The following ANKRD30B variants were observed in gnomAD, a reference collection of about 807,000 sequenced individuals.
ANKRD30B encodes ankyrin repeat domain 30B.
In ANKRD30B, 144 loss-of-function variants were observed where a neutral mutation model predicts 202.2. The ratio of observed to expected loss-of-function variants is 0.71; its 90% CI spans 0.62 to 0.82. ANKRD30B has a LOEUF of 0.82. ANKRD30B is among the 40% of genes least tolerant of loss of function. ANKRD30B has a pLI of 0.00. For synonymous variants in ANKRD30B, 508 were observed against 561.3 expected, an observed-to-expected ratio of 0.91 and a Z score of 1.34; for missense variants, 1,487 against 1,669.1, an observed-to-expected ratio of 0.89 and a Z score of 1.90.
chr18:14,757,159 A>T (rs1464140348), intron 4 of ANKRD30B, among the ~76,000 whole-genome samples: 1 of 152,220 alleles, frequency 6.6e-6, no homozygotes, highest in Non-Finnish European at 1.5e-5. Context: ...TAATTAAGAT[A>T]AGCCATAGGT....
intron 34 of ANKRD30B, among the ~76,000 whole-genome samples, chr18:14,832,101 T>C (rs910904041): frequency 6.6e-6 from 1 of 152,192 alleles, no homozygotes; most frequent in Non-Finnish European, 1.5e-5. Flanking sequence ...TGATGGTGCA[T>C]GCCTGTAGTT....
At chr18:14,757,730 A>AT in intron 4 of ANKRD30B, 85 bp from the exon 5 acceptor site, 1 of 1,380,850 alleles carries the variant, frequency 7.2e-7, no homozygotes, top group South Asian at 1.4e-5. Flanking sequence ...TATGTTTGTT[A>AT]GTACATGTAA....
Position 14,799,121 on chromosome 18 carries a change from C to T in ANKRD30B, c.2050C>T (p.Leu684Phe), listed in dbSNP as rs762814155. The change falls in exon 21 of 44, where the codon CTT (leucine) becomes TTT (phenylalanine). Residue 684 changes from leucine to phenylalanine, a missense_variant. By Grantham distance (22) the Leu-to-Phe change is conservative (BLOSUM62 0). Transcript: ENST00000690538. ...TTTAGAGTCTCCTGATAATGATGGTCTTCTGAAGGTAATAACTTTTATATT... is the reference window on the plus strand; with the variant it reads ...TTTAGAGTCTCCTGATAATGATGGTTTTCTGAAGGTAATAACTTTTATATT... ...LKAESPDNDG[L>F]LKPTCGRKVS... The T allele has an allele frequency of 8.2e-6, 13 of 1,578,146 alleles. No homozygotes were observed. Among genetic ancestry groups the T allele is most frequent in the African/African-American group, 4.1e-5 (3 of 73,940 alleles).
chr18:14,837,647 G>A lies in ANKRD30B; in HGVS notation c.2959G>A (p.Glu987Lys). 1 of 1,541,132 alleles carries A rather than the reference G, an allele frequency of 6.5e-7. No individual in the cohort carries two copies. The highest frequency in any genetic ancestry group is 8.7e-7 in the Non-Finnish European group (1 of 1,144,556). Residue 987 changes from glutamate to lysine, a missense_variant, in exon 36 of 44, where the codon GAA becomes AAA. Coordinates refer to ENST00000690538, the MANE Select transcript of ANKRD30B (RefSeq NM_001367607.2). The part of the protein sequence containing the change: ...KMPTSELGRK[E>K]DTKSTSDSEI... ...GCCCACATCAGAATTAGGAAGAAAAGAAGATACAAAATCAACTTCAGATTC... is the reference window on the plus strand; with the variant it reads ...GCCCACATCAGAATTAGGAAGAAAAAAAGATACAAAATCAACTTCAGATTC...
At chr18:14,929,367 T>A in the ANKRD30B span, among the ~76,000 whole-genome samples, 1 of 152,162 alleles carries the variant, frequency 6.6e-6, no homozygotes, top group African/African-American at 2.4e-5. Context: ...TCCATCCTCC[T>A]GTAGAACCAT....
chr18:14,808,201 G>T (rs928670486), intron 24 of ANKRD30B, among the ~76,000 whole-genome samples: 2 of 149,436 alleles, frequency 1.3e-5, no homozygotes, highest in African/African-American at 5.0e-5. Context: ...TTTTTTTGGC[G>T]GGGGGTCATG....
In ANKRD30B at chr18:14,752,636, C is replaced by T. The variant is rs1284334524; in HGVS notation, c.292C>T (p.Gln98Ter). The T allele has an allele frequency of 1.2e-6, 2 of 1,610,742 alleles. No homozygotes were observed. Among genetic ancestry groups the T allele is most frequent in the South Asian group, 2.2e-5 (2 of 90,620 alleles). ...AACATTTCTGGTAGACAGAAAGTGC[C>T]AGCTTAATGTCCTTGATGGCGAAGG... The part of the protein sequence containing the change: ...VVTFLVDRKC[Q>*]LNVLDGEGRT... Residue 98 changes from glutamine to a stop codon, truncating the protein, a stop_gained, in exon 2 of 44, where the codon CAG becomes TAG. Coordinates refer to ENST00000690538, the MANE Select transcript of ANKRD30B (RefSeq NM_001367607.2). LOFTEE classifies it high-confidence loss of function.
At chr18:14,771,475 G>C (rs1967003121) in intron 8 of ANKRD30B, among the ~76,000 whole-genome samples, 1 of 152,116 alleles carries the variant, frequency 6.6e-6, no homozygotes, top group Admixed American at 6.5e-5. Context: ...TAAGTAGTTA[G>C]ACTTTCTTAC....
In ANKRD30B at chr18:14,797,867, A is replaced by C; in HGVS notation, c.2029+13A>C. The C allele has an allele frequency of 6.5e-7, 1 of 1,536,760 alleles. No individual in the cohort carries two copies. Among genetic ancestry groups the C allele is most frequent in the Non-Finnish European group, 8.8e-7 (1 of 1,140,340 alleles). On this transcript the variant is annotated intron_variant, in intron 20 of 43. Transcript: ENST00000690538. ...ACACTCAAAGCAGGTACATTTTGTAATTTAAATTTTAATCTGGAATTAAGA... is the reference window on the plus strand; with the variant it reads ...ACACTCAAAGCAGGTACATTTTGTACTTTAAATTTTAATCTGGAATTAAGA...
intron 16 of ANKRD30B, among the ~76,000 whole-genome samples, chr18:14,793,372 G>A (rs1341618988): frequency 6.6e-6 from 1 of 152,070 alleles, no homozygotes; most frequent in Non-Finnish European, 1.5e-5. Flanking sequence ...ATAATGTGTT[G>A]CATTAAAGAC....
At chr18:14,918,239 A>G in the ANKRD30B span, among the ~76,000 whole-genome samples, 10,178 of 152,196 alleles carry the variant, frequency 0.067, 464 homozygotes, top group Non-Finnish European at 0.1. Context: ...CCTTAGATAT[A>G]TGATAATTCT....
chr18:14,919,647 G>T, the ANKRD30B span, among the ~76,000 whole-genome samples: 3 of 152,208 alleles, frequency 2.0e-5, no homozygotes, highest in African/African-American at 7.2e-5. Flanking sequence ...CATGTCCGTT[G>T]TAAAATCAAG....
chr18:14,762,698 A>C (rs1358796063), intron 6 of ANKRD30B, among the ~76,000 whole-genome samples: 2 of 152,236 alleles, frequency 1.3e-5, no homozygotes, highest in Non-Finnish European at 2.9e-5. Flanking sequence ...AAACACAAAA[A>C]ATTATAAAAA....
Position 14,752,857 on chromosome 18 carries a change from G to T in ANKRD30B, c.355G>T (p.Glu119Ter). ...CTGACAGGCTCTACAATGCGAGAGG[G>T]AGGCTTGTGCAAATATTCTCATAGA... ...PLMKALQCER[E>*]ACANILIDAG... is the part of the protein sequence containing the mutation. Residue 119 changes from glutamate (E) to a stop codon, truncating the protein, a stop_gained, in exon 3 of 44, where the codon GAG (glutamate) becomes TAG (stop). Transcript: ENST00000690538. LOFTEE classifies it high-confidence loss of function. 1 of 1,609,596 alleles carries T rather than the reference G, an allele frequency of 6.2e-7. No individual in the cohort carries two copies. Among genetic ancestry groups the T allele is most frequent in the Non-Finnish European group, 8.5e-7 (1 of 1,177,582 alleles).
intron 39 of ANKRD30B, among the ~76,000 whole-genome samples, chr18:14,845,361 T>C (rs1375735899): frequency 3.3e-5 from 5 of 152,302 alleles, no homozygotes; most frequent in Middle Eastern, 3.2e-3. Context: ...TCTTTTCACA[T>C]TGCTTTTTTT....
chr18:14,777,148 A>T (rs1465238891), intron 9 of ANKRD30B, among the ~76,000 whole-genome samples: 1 of 152,182 alleles, frequency 6.6e-6, no homozygotes, highest in East Asian at 1.9e-4. Context: ...TTTATTTTCC[A>T]TGCTCAGTAA....
At chr18:14,748,711 G>A (rs977963708) in intron 1 of ANKRD30B, 71 bp downstream of exon 1, 46 of 1,389,682 alleles carry the variant, frequency 3.3e-5, no homozygotes, top group Non-Finnish European at 1.9e-6. Flanking sequence ...CCTTCAGAGT[G>A]GTGGCTGGGG....
the ANKRD30B span, among the ~76,000 whole-genome samples, chr18:14,859,983 G>A: frequency 3.7e-5 from 5 of 135,484 alleles, no homozygotes; most frequent in Admixed American, 7.3e-5. Flanking sequence ...GGGAAGAGGC[G>A]CTCCCCACTT....
the ANKRD30B span, among the ~76,000 whole-genome samples, chr18:14,904,728 G>C: frequency 6.6e-6 from 1 of 152,204 alleles, no homozygotes; most frequent in South Asian, 2.1e-4. Flanking sequence ...AACAGTTTTA[G>C]AAGGTCTGGA....
Sources: allele counts gnomAD v4.1 joint callset (sites outside exome capture counted in the v4.1 genomes callset), GRCh38; gene constraint gnomAD v4.1.1; transcripts MANE v1.5; gene names NCBI Gene and HGNC (gene_info 2026-07-23, HGNC 2026-07-21).